CPLX2: variants seen among roughly 807,000 people sequenced by gnomAD.
The protein encoded by CPLX2 is complexin 2, also known as complexin-2.
A neutral mutation model predicts 16.3 loss-of-function variants in CPLX2; 5 were observed. The ratio of observed to expected loss-of-function variants is 0.31; its 90% CI spans 0.16 to 0.64. CPLX2 has a LOEUF of 0.64. Ranked by LOEUF, CPLX2 falls within the 30% of genes least tolerant of loss-of-function variation. The pLI, the probability that CPLX2 is intolerant of heterozygous loss-of-function variation, is 0.79. For missense variants in CPLX2, 144 were observed against 181.4 expected (o/e 0.79, Z 1.18); for synonymous variants, 89 against 73.2 (o/e 1.22, Z -1.10).
At chr5:175,801,572 G>A (rs578088903) in intron 1 of CPLX2, among the ~76,000 whole-genome samples, 2 of 152,336 alleles carry the variant, frequency 1.3e-5, no homozygotes, top group African/African-American at 4.8e-5. Flanking sequence ...GAGAAGCTGT[G>A]TGGGTTTAGG....
chr5:175,822,836 C>T (rs980965025), intron 2 of CPLX2, among the ~76,000 whole-genome samples: 1 of 152,208 alleles, frequency 6.6e-6, no homozygotes, highest in Non-Finnish European at 1.5e-5. Flanking sequence ...CGCTATCACA[C>T]GGACCCGTTA....
At chr5:175,852,276 AC>A in intron 2 of CPLX2, among the ~76,000 whole-genome samples, 1 of 152,330 alleles carries the variant, frequency 6.6e-6, no homozygotes, top group South Asian at 2.1e-4. Context: ...CTAAACAGTA[AC>A]TTGTTGAGGG....
upstream of CPLX2, among the ~76,000 whole-genome samples, chr5:175,867,381 A>T (rs975862262): frequency 6.6e-6 from 1 of 152,218 alleles, no homozygotes; most frequent in South Asian, 2.1e-4. Context: ...TTTCATACTG[A>T]TGGTAACACC....
intron 3 of CPLX2, 134 bp downstream of exon 3, chr5:175,879,217 C>T (rs1755507537): frequency 6.3e-6 from 6 of 956,496 alleles, no homozygotes; most frequent in Non-Finnish European, 7.6e-6. Flanking sequence ...CTCTTCTCAT[C>T]AGCAAAACGG....
intron 1 of CPLX2, among the ~76,000 whole-genome samples, chr5:175,874,007 AGGTG>A (rs1759698462): frequency 1.3e-5 from 2 of 152,210 alleles, no homozygotes; most frequent in African/African-American, 4.8e-5. Context: ...CCTGTGCAAG[AGGTG>A]GCACACGAGC....
chr5:175,847,034 A>G (rs995665261), intron 2 of CPLX2, among the ~76,000 whole-genome samples: 3 of 152,160 alleles, frequency 2.0e-5, no homozygotes, highest in Non-Finnish European at 4.4e-5. Flanking sequence ...CGTTGAGATG[A>G]ATCAACAAGG....
At chr5:175,841,503 C>A (rs2113669001) in intron 2 of CPLX2, among the ~76,000 whole-genome samples, 1 of 152,292 alleles carries the variant, frequency 6.6e-6, no homozygotes, top group Non-Finnish European at 1.5e-5. Flanking sequence ...TGGGGTACAC[C>A]TGCCCCACTC....
In CPLX2 at chr5:175,878,689, C is replaced by T. The variant is rs1235691520; in HGVS notation, c.-51C>T. The T allele has an allele frequency of 1.9e-6, 3 of 1,604,074 alleles. No homozygotes were observed. The highest frequency in any genetic ancestry group is 1.7e-6 in the Non-Finnish European group (2 of 1,175,636). ...TCCCAAGCCAGGCCAGCCAGGAGCG[C>T]TGCATGCAAATTCTGCCGTGGGCTA... is the stretch of plus-strand genomic sequence containing the variant. On this transcript the variant is annotated 5_prime_UTR_variant, in exon 2 of 4. Transcript: ENST00000393745.
chr5:175,880,379 C>A lies in CPLX2; in HGVS notation c.*334C>A. 2.5e-6 allele frequency: 1 copy of A among 394,718 alleles called. No homozygotes were observed. The highest frequency in any genetic ancestry group is 2.1e-5 in the South Asian group (1 of 47,750). 24.5% of individuals were successfully genotyped at this position (394,718 alleles called of 1,614,324 possible). A position where few individuals can be genotyped will look rare whatever the true frequency, so the allele number is the denominator to read the frequency against. On this transcript the variant is annotated 3_prime_UTR_variant, in exon 4 of 4. Coordinates refer to ENST00000393745, the MANE Select transcript of CPLX2 (RefSeq NM_001008220.2). ...TCCCCACTGCCAGGAGGACCACTGT[C>A]CCCAGCCAGCCAAAGTAATGACACA... is the stretch of plus-strand genomic sequence containing the variant.
intron 2 of CPLX2, among the ~76,000 whole-genome samples, chr5:175,847,772 C>G (rs1008800550): frequency 3.9e-5 from 6 of 152,192 alleles, no homozygotes; most frequent in Non-Finnish European, 8.8e-5. Flanking sequence ...CTGGCTTCCC[C>G]GATTCTGCTA....
chr5:175,810,445 T>A lies in CPLX2; in HGVS notation c.-89+1377T>A, dbSNP rs1469073112. 3.3e-5 allele frequency among the ~76,000 whole-genome samples: 5 copies of A among 152,198 alleles called. No individual in the cohort carries two copies. The East Asian group carries it at 9.6e-4, about 29-fold the overall frequency. ...GAGGAGCTTCTCATCTTCCAAAATT[T>A]GGAGATGTCACTGAGCACTTGCACC... On this transcript the variant is annotated intron_variant, in intron 2 of 4. Transcript: ENST00000359546.
At chr5:175,807,626 G>C (rs769883082) in intron 1 of CPLX2, among the ~76,000 whole-genome samples, 1 of 152,186 alleles carries the variant, frequency 6.6e-6, no homozygotes, top group Non-Finnish European at 1.5e-5. Flanking sequence ...GATCATGCCT[G>C]CCCTTTTCAC....
upstream of CPLX2, among the ~76,000 whole-genome samples, chr5:175,871,309 G>A (rs1759587267): frequency 7.0e-6 from 1 of 143,400 alleles, no homozygotes; most frequent in African/African-American, 2.6e-5. Context: ...GGAGGGGAGC[G>A]AGAAAAGAGG....
chr5:175,847,252 C>G (rs1450349680), intron 2 of CPLX2, among the ~76,000 whole-genome samples: 1 of 152,166 alleles, frequency 6.6e-6, no homozygotes, highest in Non-Finnish European at 1.5e-5. Flanking sequence ...GTTGGAGGAG[C>G]CGCGTGGGGG....
rs978007000 is a variant in CPLX2 at position 175,825,467 on chromosome 5, C to T, written c.-89+16399C>T. On this transcript the variant is annotated intron_variant, in intron 2 of 4. Coordinates refer to the CPLX2 transcript ENST00000359546. The stretch of plus-strand genomic sequence containing the variant: ...GAAATGGCATCCTCTCGCTCTATTC[C>T]CTCCTTTTCTAGTGAAAAACTTCCA... Among the ~76,000 whole-genome samples, 12 of 152,172 alleles carry T rather than the reference C, an allele frequency of 7.9e-5. No individual in the cohort carries two copies. In the South Asian group the frequency reaches 1.2e-3, roughly 16 times the overall value.
intron 2 of CPLX2, among the ~76,000 whole-genome samples, chr5:175,858,086 A>G (rs1424024893): frequency 1.3e-5 from 2 of 152,202 alleles, no homozygotes; most frequent in African/African-American, 4.8e-5. Flanking sequence ...GACTTGCCCA[A>G]AGTCACACAG....
upstream of CPLX2, among the ~76,000 whole-genome samples, chr5:175,866,790 A>G (rs1759487418): frequency 6.6e-6 from 1 of 152,202 alleles, no homozygotes; most frequent in Non-Finnish European, 1.5e-5. Flanking sequence ...AAAGTGAAGA[A>G]TGAACCCAGG....
intron 2 of CPLX2, among the ~76,000 whole-genome samples, chr5:175,855,638 G>A (rs796759264): frequency 2.0e-5 from 3 of 152,120 alleles, no homozygotes; most frequent in South Asian, 2.1e-4. Flanking sequence ...TCCACACTGT[G>A]ACCCTGCAGC....
At chr5:175,843,623 G>T (rs574808102) in intron 2 of CPLX2, among the ~76,000 whole-genome samples, 27 of 152,340 alleles carry the variant, frequency 1.8e-4, no homozygotes, top group African/African-American at 6.3e-4. Flanking sequence ...CACCTAAAGG[G>T]CTGAGAAAGC....
Sources: allele counts gnomAD v4.1 joint callset (sites outside exome capture counted in the v4.1 genomes callset), GRCh38; gene constraint gnomAD v4.1.1; transcripts MANE v1.5; gene names NCBI Gene and HGNC (gene_info 2026-07-23, HGNC 2026-07-21).